The following GAPVD1 variants were observed in gnomAD, a reference collection of about 807,000 sequenced individuals.
GAPVD1 encodes the protein GTPase-activating protein and VPS9 domain-containing protein 1.
In GAPVD1, 35 loss-of-function variants were observed where a neutral mutation model predicts 155.5. That is an observed-to-expected ratio of 0.23 (90% confidence interval 0.17 to 0.30). The LOEUF is 0.30. Among genes scored for constraint, GAPVD1 ranks in the 10% least tolerant of loss-of-function variants. GAPVD1 has a pLI of 1.00. For synonymous variants in GAPVD1, 636 were observed against 619.7 expected, an observed-to-expected ratio of 1.03 and a Z score of -0.39; for missense variants, 1,429 against 1,775.7, an observed-to-expected ratio of 0.80 and a Z score of 3.51.
At chr9:125,306,238 A>G (rs1841778449) in intron 6 of GAPVD1, among the ~76,000 whole-genome samples, 1 of 151,528 alleles carries the variant, frequency 6.6e-6, no homozygotes, top group South Asian at 2.1e-4. Flanking sequence ...ATCTCGGCTC[A>G]CTGTTAACTC....
At chr9:125,347,034 C>A in intron 20 of GAPVD1, 93 bp downstream of exon 20, 1 of 1,249,298 alleles carries the variant, frequency 8.0e-7, no homozygotes, top group Non-Finnish European at 1.1e-6. Flanking sequence ...GAAAGAATAG[C>A]TAAGGGAGTC....
In GAPVD1 at chr9:125,321,316, T is replaced by C. The variant is rs1292134960; in HGVS notation, c.1603-117T>C. ...AAGCTTGACAGACCTTCTAAATAGGTTTGTAGTTAAAAATTGATAATTTAA... is the reference window on the plus strand; with the variant it reads ...AAGCTTGACAGACCTTCTAAATAGGCTTGTAGTTAAAAATTGATAATTTAA... On this transcript the variant is annotated intron_variant, in intron 9 of 27. Coordinates refer to ENST00000297933, the MANE Select transcript of GAPVD1 (RefSeq NM_001282680.3). 6.0e-6 allele frequency: 4 copies of C among 670,750 alleles called. No individual in the cohort carries two copies. The African/African-American group carries it at 7.3e-5, about 12-fold the overall frequency. 41.5% of individuals were successfully genotyped at this position (670,750 alleles called of 1,614,324 possible).
chr9:125,349,468 C>T lies in GAPVD1; in HGVS notation c.3248C>T (p.Pro1083Leu). Reference protein sequence around the residue: ...ALQNISADDLPDSASQAAHPQ... With the variant: ...ALQNISADDLLDSASQAAHPQ... ...CAGAACATCTCGGCTGATGATCTCCCAGACTCTGCAAGCCAAGCAGCCCAC... is the reference window on the plus strand; with the variant it reads ...CAGAACATCTCGGCTGATGATCTCCTAGACTCTGCAAGCCAAGCAGCCCAC... Residue 1083 changes from proline (P) to leucine (L), a missense_variant, in exon 21 of 28, where the codon CCA becomes CTA. By Grantham distance (98) the Pro-to-Leu change is moderately conservative. This residue lies in a region of GAPVD1 where 699 missense variants were observed against 826.0 expected (regional missense o/e 0.85). Transcript: ENST00000297933. 1 of 1,613,920 alleles carries T rather than the reference C, an allele frequency of 6.2e-7. No individual in the cohort carries two copies. The highest frequency in any genetic ancestry group is 8.5e-7 in the Non-Finnish European group (1 of 1,179,850).
intron 6 of GAPVD1, among the ~76,000 whole-genome samples, chr9:125,305,412 C>T (rs1427311858): frequency 6.9e-6 from 1 of 144,714 alleles, no homozygotes; most frequent in African/African-American, 2.6e-5. Context: ...CTCGCTCCGT[C>T]GCCCAGGCGG....
intron 13 of GAPVD1, 135 bp downstream of exon 13, chr9:125,330,353 C>G: frequency 1.9e-6 from 1 of 530,306 alleles, no homozygotes; most frequent in Non-Finnish European, 3.1e-6. Context: ...GAGTCTTGCT[C>G]TTTTACCCAG....
intron 2 of GAPVD1, among the ~76,000 whole-genome samples, chr9:125,279,550 G>A (rs1311752049): frequency 5.9e-5 from 8 of 134,732 alleles, no homozygotes; most frequent in Non-Finnish European, 1.1e-4. Context: ...CAGCCTAGGC[G>A]ACAGAGTGAG....
chr9:125,322,985 G>A (rs1270339783), intron 10 of GAPVD1, among the ~76,000 whole-genome samples: 2 of 150,870 alleles, frequency 1.3e-5, no homozygotes, highest in African/African-American at 2.4e-5. Context: ...CCAGGGAGGC[G>A]GAGGTTGCAG....
intron 5 of GAPVD1, among the ~76,000 whole-genome samples, chr9:125,303,298 C>T (rs541246979): frequency 4.0e-5 from 6 of 150,170 alleles, no homozygotes; most frequent in Non-Finnish European, 7.4e-5. Context: ...GGATTACAGG[C>T]GTGAGCCACC....
intron 11 of GAPVD1, among the ~76,000 whole-genome samples, chr9:125,325,257 C>T (rs1203368136): frequency 2.0e-5 from 3 of 148,910 alleles, no homozygotes; most frequent in Non-Finnish European, 3.0e-5. Flanking sequence ...TGCGGTGGCT[C>T]ATACCTGTAA....
At position 125,280,798 on chromosome 9, in the gene GAPVD1, A is replaced by G. The variant is rs980990585; in HGVS notation, c.-150+11814A>G. ...CACTGTGTTAGCCAGGATGGTGTCA[A>G]TCTCCTGACCTTGTGATCCGCCTGT... is the stretch of plus-strand genomic sequence containing the variant. On this transcript the variant is annotated intron_variant, in intron 2 of 27. Transcript: ENST00000297933. 3.9e-5 allele frequency among the ~76,000 whole-genome samples: 6 copies of G among 151,994 alleles called. No individual in the cohort carries two copies. The East Asian group carries it at 1.2e-3, about 29-fold the overall frequency.
In GAPVD1 at chr9:125,321,504, A is replaced by G. The variant is rs1215803886; in HGVS notation, c.1674A>G (p.Lys558=). The G allele has an allele frequency of 2.5e-6, 4 of 1,613,308 alleles. No homozygotes were observed. Among genetic ancestry groups the G allele is most frequent in the Non-Finnish European group, 3.4e-6 (4 of 1,179,306 alleles). ...TTGATGAAAACAAACTCCATGGTAA[A>G]CCTGATAAAACCTTGCGCTTTTCCC... is the stretch of plus-strand genomic sequence containing the variant. ...VPVDENKLHG[K]PDKTLRFSLC... Residue 558 remains lysine (K), a synonymous_variant, in exon 10 of 28, where the codon AAA becomes AAG. Coordinates refer to ENST00000297933, the MANE Select transcript of GAPVD1 (RefSeq NM_001282680.3).
At chr9:125,319,552 C>T (rs1238861943) in intron 9 of GAPVD1, among the ~76,000 whole-genome samples, 3 of 146,286 alleles carry the variant, frequency 2.1e-5, no homozygotes, top group East Asian at 2.0e-4. Flanking sequence ...GTGTGTGCCA[C>T]GACGCCTGGC....
chr9:125,289,604 T>C (rs948411480), intron 2 of GAPVD1, among the ~76,000 whole-genome samples: 1 of 151,940 alleles, frequency 6.6e-6, no homozygotes, highest in African/African-American at 2.4e-5. Context: ...CGTCTTTTTG[T>C]GGGGAGGGAA....
Position 125,270,772 on chromosome 9 carries a change from C to T in GAPVD1, c.-150+1788C>T, listed in dbSNP as rs188769282. 1.3e-3 allele frequency among the ~76,000 whole-genome samples: 194 copies of T among 152,150 alleles called. 1 individual carries two copies. The highest frequency in any genetic ancestry group is 4.2e-3 in the African/African-American group (175 of 41,504). On this transcript the variant is annotated intron_variant, in intron 2 of 27. Transcript: ENST00000297933. Reference sequence around the variant, plus strand: ...CAGCGTGACCAACATGGAGAAACCCCGTTTCTGGTAAAAGTACAAAATTAG... The same window carrying T: ...CAGCGTGACCAACATGGAGAAACCCTGTTTCTGGTAAAAGTACAAAATTAG...
At chr9:125,338,439 T>A (rs555947660) in intron 17 of GAPVD1, among the ~76,000 whole-genome samples, 1 of 152,312 alleles carries the variant, frequency 6.6e-6, no homozygotes, top group South Asian at 2.1e-4. Context: ...CTGTAACATT[T>A]TTTATAGTAA....
At chr9:125,346,996 G>A (rs779664955) in intron 20 of GAPVD1, 55 bp downstream of exon 20, 9 of 1,574,650 alleles carry the variant, frequency 5.7e-6, no homozygotes, top group African/African-American at 1.4e-5. Flanking sequence ...AGTGATAAAG[G>A]TAATCTGAAT....
intron 3 of GAPVD1, among the ~76,000 whole-genome samples, chr9:125,296,950 G>A (rs1349788723): frequency 1.4e-4 from 21 of 152,084 alleles, no homozygotes; most frequent in Non-Finnish European, 4.4e-5. Context: ...GTGAGCCACC[G>A]TGCCCAACCC....
intron 6 of GAPVD1, among the ~76,000 whole-genome samples, chr9:125,305,393 A>C (rs957070210): frequency 1.2e-5 from 1 of 81,744 alleles, no homozygotes; most frequent in Non-Finnish European, 2.3e-5. Context: ...TTTTTTTTTG[A>C]GATGGAGTCT....
chr9:125,294,047 G>A (rs946028939), intron 2 of GAPVD1, among the ~76,000 whole-genome samples: 2 of 150,614 alleles, frequency 1.3e-5, no homozygotes, highest in Admixed American at 1.3e-4. Context: ...CTAGTAGCTG[G>A]GACTACGGGT....
Sources: gnomAD v4.1 joint callset for allele counts (sites outside exome capture counted in the v4.1 genomes callset) on GRCh38, gnomAD v4.1.1 for gene constraint, gnomAD v4.1.1 regional missense constraint, MANE v1.5 for transcripts, NCBI Gene and HGNC (gene_info 2026-07-23, HGNC 2026-07-21) for gene names.